The following SLC38A12 variants were observed in gnomAD, a reference collection of about 807,000 sequenced individuals.
SLC38A12 encodes the protein solute carrier family 38 member 12.
chr17:74,778,552 G>A, the SLC38A12 span, among the ~76,000 whole-genome samples: 2 of 151,430 alleles, frequency 1.3e-5, no homozygotes, highest in Non-Finnish European at 2.9e-5. Context: ...CCTGATTCCA[G>A]AGTCTTCCTA....
the SLC38A12 span, among the ~76,000 whole-genome samples, chr17:74,791,703 G>T: frequency 6.6e-6 from 1 of 152,254 alleles, no homozygotes; most frequent in Non-Finnish European, 1.5e-5. Context: ...TGAGACCGGA[G>T]CCCTGAAGTG....
the SLC38A12 span, among the ~76,000 whole-genome samples, chr17:74,807,568 G>A: frequency 2.6e-5 from 4 of 152,202 alleles, no homozygotes; most frequent in East Asian, 3.8e-4. Context: ...CCCAGTGGGC[G>A]GGTCATCCTC....
chr17:74,834,846 A>C, the SLC38A12 span, among the ~76,000 whole-genome samples: 1 of 152,242 alleles, frequency 6.6e-6, no homozygotes, highest in Admixed American at 6.5e-5. Flanking sequence ...CAGAACAGAC[A>C]CGGACACTGG....
chr17:74,825,902 G>A, the SLC38A12 span, among the ~76,000 whole-genome samples: 1 of 152,330 alleles, frequency 6.6e-6, no homozygotes, highest in South Asian at 2.1e-4. Flanking sequence ...GAGCTCCAGA[G>A]TTACGTTCAG....
chr17:74,794,170 A>G, the SLC38A12 span, among the ~76,000 whole-genome samples: 1 of 152,148 alleles, frequency 6.6e-6, no homozygotes, highest in Admixed American at 6.5e-5. Context: ...GGAATCATTT[A>G]TGGAAGATGG....
At chr17:74,796,647 G>A in the SLC38A12 span, among the ~76,000 whole-genome samples, 1 of 152,240 alleles carries the variant, frequency 6.6e-6, no homozygotes, top group Non-Finnish European at 1.5e-5. Flanking sequence ...TGCCTCTCTG[G>A]AGCAGTCAGC....
the SLC38A12 span, among the ~76,000 whole-genome samples, chr17:74,831,789 G>A: frequency 2.6e-4 from 39 of 152,248 alleles, no homozygotes; most frequent in Non-Finnish European, 5.0e-4. Context: ...GCTCTGTCCC[G>A]CCTCCACACC....
chr17:74,835,923 C>G, the SLC38A12 span: 1 of 1,595,034 alleles, frequency 6.3e-7, no homozygotes, highest in Non-Finnish European at 8.6e-7. Flanking sequence ...CTCTCGTTTC[C>G]CAGCTTTCGC....
the SLC38A12 span, among the ~76,000 whole-genome samples, chr17:74,780,564 A>G: frequency 1.3e-5 from 2 of 152,146 alleles, no homozygotes; most frequent in Admixed American, 1.3e-4. Context: ...GCAGAAGAGA[A>G]CGTCTCCTTT....
chr17:74,818,696 G>A, the SLC38A12 span, among the ~76,000 whole-genome samples: 4 of 152,196 alleles, frequency 2.6e-5, no homozygotes, highest in Admixed American at 6.5e-5. Context: ...GCCGCCTGCC[G>A]CATCTCTGGT....
the SLC38A12 span, chr17:74,835,845 C>T: frequency 7.9e-4 from 1,198 of 1,511,748 alleles, 8 homozygotes; most frequent in African/African-American, 0.015. Context: ...CTCTAGTCCC[C>T]GCAAAGGCGC....
the SLC38A12 span, among the ~76,000 whole-genome samples, chr17:74,785,319 C>A: frequency 6.6e-6 from 1 of 152,172 alleles, no homozygotes; most frequent in South Asian, 2.1e-4. Flanking sequence ...AAGCCTGGCT[C>A]CTTAGGCCCC....
the SLC38A12 span, among the ~76,000 whole-genome samples, chr17:74,815,739 G>T: frequency 2.0e-5 from 3 of 152,184 alleles, no homozygotes; most frequent in South Asian, 6.2e-4. Flanking sequence ...GAGCGTTCTT[G>T]GTTTAAAGAT....
the SLC38A12 span, chr17:74,838,995 C>T: frequency 1.5e-5 from 23 of 1,535,624 alleles, no homozygotes; most frequent in African/African-American, 2.7e-4. Context: ...AGCCTCTACC[C>T]AACATCTGCC....
At chr17:74,781,743 G>A in the SLC38A12 span, among the ~76,000 whole-genome samples, 281 of 152,320 alleles carry the variant, frequency 1.8e-3, no homozygotes, top group African/African-American at 4.7e-3. Flanking sequence ...TAGGTTTTCC[G>A]CTGGGGTCTG....
At chr17:74,801,478 G>A in the SLC38A12 span, among the ~76,000 whole-genome samples, 1 of 151,390 alleles carries the variant, frequency 6.6e-6, no homozygotes, top group South Asian at 2.1e-4. Flanking sequence ...AGCCTTTGAG[G>A]TGTCTTCAGC....
At chr17:74,825,015 A>G in the SLC38A12 span, among the ~76,000 whole-genome samples, 2 of 152,174 alleles carry the variant, frequency 1.3e-5, no homozygotes, top group Non-Finnish European at 2.9e-5. Flanking sequence ...GCGCTGATCC[A>G]TCACCACCGG....
At chr17:74,820,732 G>A in the SLC38A12 span, among the ~76,000 whole-genome samples, 1 of 152,292 alleles carries the variant, frequency 6.6e-6, no homozygotes, top group East Asian at 1.9e-4. Flanking sequence ...CAAGGCTGGG[G>A]CTCCTCCTTC....
chr17:74,793,253 G>T, the SLC38A12 span, among the ~76,000 whole-genome samples: 1 of 152,182 alleles, frequency 6.6e-6, no homozygotes, highest in Non-Finnish European at 1.5e-5. Flanking sequence ...GTGTGGTAGG[G>T]TGCTGAGCAG....
Sources: allele counts gnomAD v4.1 joint callset (sites outside exome capture counted in the v4.1 genomes callset), GRCh38; gene constraint gnomAD v4.1.1; transcripts MANE v1.5; gene names NCBI Gene and HGNC (gene_info 2026-07-23, HGNC 2026-07-21).